Variants in TAFA1 observed in about 807,000 individuals in gnomAD.
The protein encoded by TAFA1 is TAFA chemokine like family member 1.
TAFA1 carries 4 observed loss-of-function variants against 18.5 expected under a neutral mutation model. The observed-to-expected ratio is 0.22, with a 90% CI of 0.11 to 0.49. The LOEUF is 0.49. Among genes scored for constraint, TAFA1 ranks in the 20% least tolerant of loss-of-function variants. TAFA1 has a pLI of 0.98. For synonymous variants in TAFA1, 56 were observed against 55.2 expected (o/e 1.01, Z -0.06); for missense variants, 147 against 169.0 (o/e 0.87, Z 0.72).
chr3:68,058,493 A>G (rs1237998073), intron 2 of TAFA1, among the ~76,000 whole-genome samples: 2 of 152,110 alleles, frequency 1.3e-5, no homozygotes, highest in Non-Finnish European at 2.9e-5. Flanking sequence ...CTCCCTTACC[A>G]TTTCCCAGAT....
At chr3:68,420,058 C>G (rs982474558) in intron 3 of TAFA1, among the ~76,000 whole-genome samples, 3 of 152,112 alleles carry the variant, frequency 2.0e-5, no homozygotes, top group Admixed American at 6.6e-5. Flanking sequence ...TGATTCTAAT[C>G]TCTCTCAGCA....
chr3:68,086,856 A>G (rs1640276779), intron 2 of TAFA1, among the ~76,000 whole-genome samples: 1 of 152,194 alleles, frequency 6.6e-6, no homozygotes, highest in Non-Finnish European at 1.5e-5. Flanking sequence ...CTCTTAAATC[A>G]TTTACAAAAA....
intron 2 of TAFA1, among the ~76,000 whole-genome samples, chr3:68,243,988 G>A (rs1220561354): frequency 2.0e-5 from 3 of 152,162 alleles, no homozygotes; most frequent in African/African-American, 7.2e-5. Context: ...TCAGATATAT[G>A]TGTAGTGAAG....
intron 2 of TAFA1, among the ~76,000 whole-genome samples, chr3:68,151,178 T>G (rs954812217): frequency 2.6e-5 from 4 of 152,150 alleles, no homozygotes; most frequent in Non-Finnish European, 4.4e-5. Context: ...CTCCTTTGTA[T>G]AGCCATAACT....
chr3:68,343,206 T>A (rs2069112376), intron 2 of TAFA1, among the ~76,000 whole-genome samples: 1 of 152,184 alleles, frequency 6.6e-6, no homozygotes, highest in South Asian at 2.1e-4. Flanking sequence ...AAATAAATAA[T>A]GTTACATCTC....
At chr3:68,405,528 C>A (rs1198249246) in intron 2 of TAFA1, among the ~76,000 whole-genome samples, 1 of 149,756 alleles carries the variant, frequency 6.7e-6, no homozygotes, top group Non-Finnish European at 1.5e-5. Flanking sequence ...ACGCCCATCT[C>A]TACAAAAATA....
At chr3:68,370,782 T>G (rs907460559) in intron 2 of TAFA1, among the ~76,000 whole-genome samples, 6 of 141,106 alleles carry the variant, frequency 4.3e-5, no homozygotes, top group African/African-American at 1.6e-4. Context: ...TTTTCGTTGT[T>G]TTTTTTTTTT....
chr3:68,131,935 T>C (rs2065544100), intron 2 of TAFA1, among the ~76,000 whole-genome samples: 1 of 152,106 alleles, frequency 6.6e-6, no homozygotes, highest in African/African-American at 2.4e-5. Context: ...TACATGCAGG[T>C]TTGTTACATA....
intron 2 of TAFA1, among the ~76,000 whole-genome samples, chr3:68,387,543 A>T (rs927361871): frequency 5.9e-5 from 9 of 152,192 alleles, no homozygotes; most frequent in African/African-American, 2.2e-4. Context: ...TCAACCTTCA[A>T]CAAGCATTTA....
At chr3:68,170,140 C>T (rs1254132967) in intron 2 of TAFA1, among the ~76,000 whole-genome samples, 10 of 152,038 alleles carry the variant, frequency 6.6e-5, no homozygotes, top group Admixed American at 5.9e-4. Flanking sequence ...TTTTAGTGTG[C>T]CTTATTTTCA....
chr3:68,246,459 G>A (rs1490781450), intron 2 of TAFA1, among the ~76,000 whole-genome samples: 4 of 151,318 alleles, frequency 2.6e-5, no homozygotes, highest in Non-Finnish European at 5.9e-5. Flanking sequence ...GCGTGGTGGC[G>A]GGCGCCTGTA....
intron 2 of TAFA1, among the ~76,000 whole-genome samples, chr3:68,259,763 C>T (rs2067373606): frequency 2.0e-5 from 3 of 151,728 alleles, no homozygotes; most frequent in Admixed American, 1.3e-4. Context: ...TATAAGAATG[C>T]TTGTGATTTT....
chr3:68,491,637 A>C (rs187360259), intron 3 of TAFA1, among the ~76,000 whole-genome samples: 1 of 151,970 alleles, frequency 6.6e-6, no homozygotes, highest in Non-Finnish European at 1.5e-5. Context: ...ACATGTATAC[A>C]TATGTAACTA....
intron 3 of TAFA1, among the ~76,000 whole-genome samples, chr3:68,488,245 G>A (rs1213143439): frequency 2.0e-5 from 3 of 152,162 alleles, no homozygotes; most frequent in South Asian, 2.1e-4. Flanking sequence ...CTTGGAGTCC[G>A]ATGTTCAAGG....
At chr3:68,497,467 C>G (rs1289925010) in intron 3 of TAFA1, among the ~76,000 whole-genome samples, 1 of 152,098 alleles carries the variant, frequency 6.6e-6, no homozygotes, top group Non-Finnish European at 1.5e-5. Flanking sequence ...AAACTCTTTC[C>G]TAGCCAAGCT....
chr3:68,405,083 A>G (rs1036775244), intron 2 of TAFA1, among the ~76,000 whole-genome samples: 7 of 152,154 alleles, frequency 4.6e-5, no homozygotes, highest in South Asian at 2.1e-4. Flanking sequence ...GAAGTGATGG[A>G]TTCAGAGTCA....
At chr3:68,458,607 C>T (rs1049789706) in intron 3 of TAFA1, among the ~76,000 whole-genome samples, 1 of 152,096 alleles carries the variant, frequency 6.6e-6, no homozygotes, top group Admixed American at 6.6e-5. Flanking sequence ...TATTAGTCAT[C>T]CCACTTTTCC....
rs541759521 is a variant in TAFA1 at position 68,241,803 on chromosome 3, C to T, written c.119-175477C>T. 5.3e-5 allele frequency among the ~76,000 whole-genome samples: 8 copies of T among 152,198 alleles called. No homozygotes were observed. In the South Asian group the frequency reaches 1.0e-3, roughly 20 times the overall value. ...TCATTCAAAGGTTTTATTTTTCATCCGCCATGGATGAAAACCCAAAAAGTC... is the reference window on the plus strand; with the variant it reads ...TCATTCAAAGGTTTTATTTTTCATCTGCCATGGATGAAAACCCAAAAAGTC... On this transcript the variant is annotated intron_variant, in intron 2 of 4. Coordinates refer to ENST00000478136, the MANE Select transcript of TAFA1 (RefSeq NM_213609.4).
chr3:68,466,125 G>C (rs1176099799), intron 3 of TAFA1, among the ~76,000 whole-genome samples: 1 of 151,768 alleles, frequency 6.6e-6, no homozygotes, highest in Non-Finnish European at 1.5e-5. Context: ...GAATTTCCTG[G>C]CACTCTTGAG....
Sources: allele counts gnomAD v4.1 joint callset (sites outside exome capture counted in the v4.1 genomes callset), GRCh38; gene constraint gnomAD v4.1.1; transcripts MANE v1.5; gene names NCBI Gene and HGNC (gene_info 2026-07-23, HGNC 2026-07-21).